Variants in FANK1 observed in about 807,000 individuals in gnomAD.
FANK1 encodes fibronectin type III and ankyrin repeat domains 1, also known as fibronectin type 3 and ankyrin repeat domains protein 1.
Under a neutral mutation model 45.3 loss-of-function variants are expected in FANK1, and 44 were observed. The observed-to-expected ratio is 0.97, with a 90% CI of 0.76 to 1.25. The LOEUF is 1.25. FANK1 is among the 50% of genes most tolerant of loss of function. The pLI, the probability that FANK1 is intolerant of heterozygous loss-of-function variation, is 0.00. For synonymous variants in FANK1, 149 were observed against 152.5 expected, an observed-to-expected ratio of 0.98 and a Z score of 0.17; for missense variants, 391 against 424.4, an observed-to-expected ratio of 0.92 and a Z score of 0.69.
At chr10:125,967,801 A>G (rs140857035) in intron 1 of FANK1, among the ~76,000 whole-genome samples, 1 of 152,352 alleles carries the variant, frequency 6.6e-6, no homozygotes, top group East Asian at 1.9e-4. Flanking sequence ...ATAAAAGCAC[A>G]TACAATGCAA....
intron 1 of FANK1, among the ~76,000 whole-genome samples, chr10:125,900,702 A>G (rs1297689834): frequency 6.6e-6 from 1 of 152,066 alleles, no homozygotes; most frequent in Non-Finnish European, 1.5e-5. Context: ...CCCAGGCTGC[A>G]GTGTGGTGGC....
chr10:125,931,227 T>A (rs1947733252), intron 1 of FANK1, among the ~76,000 whole-genome samples: 1 of 152,254 alleles, frequency 6.6e-6, no homozygotes, highest in Admixed American at 6.5e-5. Flanking sequence ...TCTGGGTAGA[T>A]ACCCAGTAGT....
At chr10:125,978,896 C>T (rs921714137) in intron 1 of FANK1, among the ~76,000 whole-genome samples, 1 of 152,242 alleles carries the variant, frequency 6.6e-6, no homozygotes, top group Non-Finnish European at 1.5e-5. Flanking sequence ...TCTAACCTCT[C>T]ACTTTGCCAG....
At chr10:125,959,292 A>G (rs2134176458) in intron 1 of FANK1, among the ~76,000 whole-genome samples, 1 of 151,668 alleles carries the variant, frequency 6.6e-6, no homozygotes, top group Admixed American at 6.6e-5. Context: ...CTGTAATCAC[A>G]TATCACAGTT....
rs117261217 is a variant in FANK1, at chr10:126,005,053, C to T, written c.705+4C>T. 4.7e-3 allele frequency: 7,518 copies of T among 1,610,880 alleles called. 24 individuals carry two copies. Among genetic ancestry groups the T allele is most frequent in the Non-Finnish European group, 5.8e-3 (6,855 of 1,177,980 alleles). On this transcript the variant is annotated splice_donor_region_variant and intron_variant, in intron 7 of 10. Transcript: ENST00000368693. ...GATGATAAAGGATGGCTGTGAGGTA[C>T]GGGACCTGCCTTGTTAACCACGCAC... is the stretch of plus-strand genomic sequence containing the variant.
chr10:125,912,378 T>C (rs553928793), intron 1 of FANK1, among the ~76,000 whole-genome samples: 1 of 152,232 alleles, frequency 6.6e-6, no homozygotes. Flanking sequence ...TTCCTTTAGC[T>C]TGGGGATCAT....
At chr10:125,918,670 A>G (rs1214610016) in intron 1 of FANK1, among the ~76,000 whole-genome samples, 1 of 146,326 alleles carries the variant, frequency 6.8e-6, no homozygotes, top group Non-Finnish European at 1.5e-5. Context: ...TTGATCACCT[A>G]TTAAATGCTA....
chr10:125,975,941 T>C (rs1486003904), intron 1 of FANK1, among the ~76,000 whole-genome samples: 2 of 152,180 alleles, frequency 1.3e-5, no homozygotes, highest in Non-Finnish European at 2.9e-5. Context: ...TGTGTTTAAG[T>C]GTATTTTTGT....
At chr10:125,933,931 T>C (rs1246066576) in intron 1 of FANK1, among the ~76,000 whole-genome samples, 1 of 152,208 alleles carries the variant, frequency 6.6e-6, no homozygotes, top group Non-Finnish European at 1.5e-5. Context: ...TTCCGTGTAT[T>C]TGCATTGTTT....
chr10:125,904,291 A>C, intron 1 of FANK1, among the ~76,000 whole-genome samples: 1 of 152,264 alleles, frequency 6.6e-6, no homozygotes. Flanking sequence ...TACCAAACCA[A>C]ACATAAGAAG....
chr10:125,934,724 G>GCTTTTTTTTTTTTTTT (rs1564888158), intron 1 of FANK1, among the ~76,000 whole-genome samples: 1 of 26,418 alleles, frequency 3.8e-5, no homozygotes, highest in African/African-American at 1.3e-4. Context: ...TACCCCTACC[G>GCTTTTTTTTTTTTTTT]TTTTTTTTTT....
At chr10:125,917,873 A>G (rs1423951727) in intron 1 of FANK1, among the ~76,000 whole-genome samples, 46 of 152,402 alleles carry the variant, frequency 3.0e-4, no homozygotes, top group South Asian at 1.0e-3. Flanking sequence ...ACTTCAGCCC[A>G]AGAGTTCAAG....
chr10:125,946,821 T>C (rs1045124640), intron 1 of FANK1, among the ~76,000 whole-genome samples: 6 of 130,352 alleles, frequency 4.6e-5, no homozygotes, highest in African/African-American at 1.8e-4. Flanking sequence ...AATTGTCAGA[T>C]TCACCAAAGT....
At chr10:125,959,537 A>G (rs2134176893) in intron 1 of FANK1, among the ~76,000 whole-genome samples, 1 of 152,232 alleles carries the variant, frequency 6.6e-6, no homozygotes, top group South Asian at 2.1e-4. Flanking sequence ...CGATGGGGCA[A>G]CCTAATGCCC....
chr10:126,006,679 G>A (rs940964437), intron 7 of FANK1, among the ~76,000 whole-genome samples: 2 of 152,212 alleles, frequency 1.3e-5, no homozygotes, highest in African/African-American at 4.8e-5. Flanking sequence ...GGCCAACATG[G>A]TGAAACCCTG....
intron 1 of FANK1, among the ~76,000 whole-genome samples, chr10:125,930,303 A>G (rs898250621): frequency 6.6e-6 from 1 of 151,586 alleles, no homozygotes; most frequent in Non-Finnish European, 1.5e-5. Context: ...CAAAGTGCTG[A>G]GATTACAGGT....
At chr10:125,990,843 G>T (rs989916777) in intron 3 of FANK1, among the ~76,000 whole-genome samples, 4 of 152,202 alleles carry the variant, frequency 2.6e-5, no homozygotes, top group Admixed American at 6.5e-5. Flanking sequence ...CACAACCATG[G>T]TGGAAGGCAA....
intron 1 of FANK1, among the ~76,000 whole-genome samples, chr10:125,911,692 A>G (rs112203070): frequency 1.3e-5 from 2 of 151,664 alleles, no homozygotes; most frequent in South Asian, 2.1e-4. Context: ...CCTCAACTCA[A>G]TGTGTTACCA....
intron 1 of FANK1, among the ~76,000 whole-genome samples, chr10:125,929,360 G>C (rs1169210482): frequency 6.6e-6 from 1 of 152,138 alleles, no homozygotes; most frequent in African/African-American, 2.4e-5. Context: ...AGTTTCCTCT[G>C]TTTCCATAGG....
Sources: gnomAD v4.1 joint callset for allele counts (sites outside exome capture counted in the v4.1 genomes callset) on GRCh38, gnomAD v4.1.1 for gene constraint, MANE v1.5 for transcripts, NCBI Gene and HGNC (gene_info 2026-07-23, HGNC 2026-07-21) for gene names.